SIPA1L2: variants seen among roughly 807,000 people sequenced by gnomAD.
The protein encoded by SIPA1L2 is signal-induced proliferation-associated 1-like protein 2.
In SIPA1L2, 56 loss-of-function variants were observed where a neutral mutation model predicts 163.9. That is an observed-to-expected ratio of 0.34 (90% CI 0.28 to 0.43). The LOEUF is 0.43. Ranked by LOEUF, SIPA1L2 falls within the 20% of genes least tolerant of loss-of-function variation. The pLI is 1.00. For missense variants in SIPA1L2, 1,974 were observed against 2,193.5 expected (o/e 0.90, Z 2.00); for synonymous variants, 877 against 865.7 (o/e 1.01, Z -0.23).
At chr1:232,525,032 TC>T (rs1667627577) in intron 2 of SIPA1L2, among the ~76,000 whole-genome samples, 1 of 152,164 alleles carries the variant, frequency 6.6e-6, no homozygotes, top group Non-Finnish European at 1.5e-5. Flanking sequence ...ATAATATTCT[TC>T]CTTGTATAAA....
rs1403928074 is a variant in SIPA1L2 at position 232,558,729 on chromosome 1, A to G, written c.-270+15445T>C. On this transcript the variant is annotated intron_variant, in intron 2 of 22. Coordinates refer to ENST00000674635, the MANE Select transcript of SIPA1L2 (RefSeq NM_020808.5). ...TGGCATTTCTCCTGGCTGATGCATG[A>G]TCCTAAATCTTCGTTTTTATGCATG... 2.6e-5 allele frequency among the ~76,000 whole-genome samples: 4 copies of G among 152,170 alleles called. No individual in the cohort carries two copies. In the South Asian group the frequency reaches 8.3e-4, roughly 31 times the overall value.
intron 18 of SIPA1L2, 179 bp from the exon 19 acceptor site, chr1:232,415,804 C>T (rs1169814774): frequency 1.7e-6 from 1 of 601,802 alleles, no homozygotes; most frequent in Non-Finnish European, 2.8e-6. Flanking sequence ...CAGAGTCAGT[C>T]AGTCAGAACA....
Position 232,514,950 on chromosome 1 carries a change from G to C in SIPA1L2, c.390C>G (p.Leu130=), listed in dbSNP as rs373470985. Residue 130 remains leucine (L), a synonymous_variant, in exon 3 of 23, where the codon CTC becomes CTG. Coordinates refer to ENST00000674635, the MANE Select transcript of SIPA1L2 (RefSeq NM_020808.5). ...DQSEGQQDEQ[L]DLDFVEAKYT... is the part of the protein sequence containing the mutation. ...ACTTGGCCTCCACGAAGTCCAGATC[G>C]AGCTGTTCATCTTGCTGACCTTCAC... 1.2e-6 allele frequency: 2 copies of C among 1,613,968 alleles called. No individual in the cohort carries two copies. The highest frequency in any genetic ancestry group is 2.2e-5 in the East Asian group (1 of 44,876).
At chr1:232,407,506 G>C (rs1204753442) in intron 19 of SIPA1L2, among the ~76,000 whole-genome samples, 1 of 152,182 alleles carries the variant, frequency 6.6e-6, no homozygotes, top group Non-Finnish European at 1.5e-5. Flanking sequence ...ACAAATTAAA[G>C]ATACAGACTT....
chr1:232,602,300 G>A (rs949597407), intron 1 of SIPA1L2, among the ~76,000 whole-genome samples: 6 of 152,156 alleles, frequency 3.9e-5, no homozygotes, highest in African/African-American at 1.4e-4. Flanking sequence ...GAGGGGTGCA[G>A]ATTTTACTCA....
chr1:232,424,319 T>TAAA (rs1558164388), intron 18 of SIPA1L2, among the ~76,000 whole-genome samples: 3 of 8,364 alleles, frequency 3.6e-4, no homozygotes, highest in East Asian at 5.9e-3. Flanking sequence ...TAAGTGAAGC[T>TAAA]AACAAAAAAA....
chr1:232,505,306 C>T (rs574468435), intron 3 of SIPA1L2, among the ~76,000 whole-genome samples: 8 of 152,262 alleles, frequency 5.3e-5, no homozygotes, highest in African/African-American at 1.7e-4. Flanking sequence ...TAAACAAATA[C>T]AAAGTGTTTA....
chr1:232,578,058 C>T (rs1012258568), intron 1 of SIPA1L2, among the ~76,000 whole-genome samples: 1 of 152,170 alleles, frequency 6.6e-6, no homozygotes, highest in Admixed American at 6.5e-5. Flanking sequence ...CAGCCACCAC[C>T]ACCCTGATCA....
At chr1:232,404,889 T>G (rs908303593) in intron 19 of SIPA1L2, among the ~76,000 whole-genome samples, 3 of 152,186 alleles carry the variant, frequency 2.0e-5, no homozygotes, top group African/African-American at 7.2e-5. Context: ...CTTATGTATC[T>G]ACAGTAGGAA....
chr1:232,545,398 C>T (rs1270988040), intron 2 of SIPA1L2, among the ~76,000 whole-genome samples: 6 of 152,144 alleles, frequency 3.9e-5, no homozygotes, highest in East Asian at 1.9e-4. Flanking sequence ...TCCGTGTGGG[C>T]GCCTAAGTGC....
Position 232,514,149 on chromosome 1 carries a change from C to T in SIPA1L2, c.1191G>A (p.Glu397=), listed in dbSNP as rs758939465. 2.0e-5 allele frequency: 32 copies of T among 1,614,112 alleles called. No individual in the cohort carries two copies. The highest frequency in any genetic ancestry group is 6.7e-5 in the Admixed American group (4 of 60,010). The part of the protein sequence containing the change: ...LNSKENLDAD[E]GDGKSNDLVL... ...CGAGGTCGTTACTTTTCCCATCACC[C>T]TCATCGGCATCCAGGTTCTCTTTGG... is the stretch of plus-strand genomic sequence containing the variant. The change falls in exon 3 of 23, where the codon GAG becomes GAA. Residue 397 remains glutamate, a synonymous_variant. Transcript: ENST00000674635.
intron 22 of SIPA1L2, among the ~76,000 whole-genome samples, chr1:232,400,604 C>T (rs1660281578): frequency 6.6e-6 from 1 of 152,158 alleles, no homozygotes; most frequent in African/African-American, 2.4e-5. Flanking sequence ...ACCTGCTACC[C>T]CTCCTGGCTG....
intron 3 of SIPA1L2, among the ~76,000 whole-genome samples, chr1:232,505,590 G>T (rs1239181236): frequency 6.6e-6 from 1 of 152,198 alleles, no homozygotes; most frequent in Non-Finnish European, 1.5e-5. Flanking sequence ...CAACACTGTG[G>T]TGTATGGGAA....
Position 232,487,118 on chromosome 1 carries a change from C to T in SIPA1L2, c.1807-3152G>A, listed in dbSNP as rs1052926486. ...GTCAAAATTCCCTATGGCTTCAGTGCTGACAGCTGGACACACATACATACT... is the reference window on the plus strand; with the variant it reads ...GTCAAAATTCCCTATGGCTTCAGTGTTGACAGCTGGACACACATACATACT... On this transcript the variant is annotated intron_variant, in intron 5 of 22. Transcript: ENST00000674635. Among the ~76,000 whole-genome samples, 16 of 152,330 alleles carry T rather than the reference C, an allele frequency of 1.1e-4. No homozygotes were observed. In the East Asian group the frequency reaches 1.2e-3, roughly 11 times the overall value.
intron 2 of SIPA1L2, among the ~76,000 whole-genome samples, chr1:232,526,619 G>A (rs1016321395): frequency 6.6e-6 from 1 of 151,970 alleles, no homozygotes; most frequent in Admixed American, 6.6e-5. Flanking sequence ...CAGGCCATGG[G>A]CCCCTGCCGT....
intron 5 of SIPA1L2, among the ~76,000 whole-genome samples, chr1:232,487,050 G>C (rs1200245949): frequency 6.6e-6 from 1 of 152,218 alleles, no homozygotes; most frequent in Non-Finnish European, 1.5e-5. Flanking sequence ...AACTAGGCTT[G>C]CATTTGGACA....
At chr1:232,443,933 G>A (rs1355031520) in intron 11 of SIPA1L2, among the ~76,000 whole-genome samples, 1 of 152,272 alleles carries the variant, frequency 6.6e-6, no homozygotes, top group East Asian at 1.9e-4. Context: ...GGCCCTCACT[G>A]TCTAAAGATT....
chr1:232,606,983 T>G (rs1411443894), intron 1 of SIPA1L2, among the ~76,000 whole-genome samples: 1 of 152,066 alleles, frequency 6.6e-6, no homozygotes, highest in Non-Finnish European at 1.5e-5. Context: ...CCTTGAAAAC[T>G]TCTGTTAAAT....
intron 15 of SIPA1L2, among the ~76,000 whole-genome samples, chr1:232,434,285 TAAA>T (rs1037587860): frequency 8.5e-5 from 13 of 152,092 alleles, no homozygotes; most frequent in African/African-American, 2.9e-4. Flanking sequence ...CAAGAGGAAA[TAAA>T]GACACAAAAT....
Sources: gnomAD v4.1 joint callset for allele counts (sites outside exome capture counted in the v4.1 genomes callset) on GRCh38, gnomAD v4.1.1 for gene constraint, MANE v1.5 for transcripts, NCBI Gene and HGNC (gene_info 2026-07-23, HGNC 2026-07-21) for gene names.